FHIT: variants seen among roughly 807,000 people sequenced by gnomAD.
The protein encoded by FHIT is fragile histidine triad diadenosine triphosphatase, also known as bis(5'-adenosyl)-triphosphatase.
Under a neutral mutation model 17.9 loss-of-function variants are expected in FHIT, and 19 were observed. The observed-to-expected ratio is 1.06, with a 90% CI of 0.74 to 1.56. The LOEUF is 1.56. Among genes scored for constraint, FHIT ranks in the 40% most tolerant of loss-of-function variants. FHIT has a pLI of 0.00. For synonymous variants in FHIT, 81 were observed against 69.7 expected (o/e 1.16, Z -0.81); for missense variants, 248 against 189.2 (o/e 1.31, Z -1.82).
chr3:61,071,424 A>G (rs934721927), intron 2 of FHIT, among the ~76,000 whole-genome samples: 1 of 152,226 alleles, frequency 6.6e-6, no homozygotes, highest in Admixed American at 6.5e-5. Flanking sequence ...ATGAAATAAT[A>G]AAAGATGTGC....
At chr3:60,621,708 T>G (rs1553678714) in intron 4 of FHIT, among the ~76,000 whole-genome samples, 1 of 151,822 alleles carries the variant, frequency 6.6e-6, no homozygotes, top group African/African-American at 2.4e-5. Context: ...AATACTTGAG[T>G]GGTTGGCAAT....
At chr3:60,018,412 C>T (rs1559553080) in intron 5 of FHIT, among the ~76,000 whole-genome samples, 2 of 152,150 alleles carry the variant, frequency 1.3e-5, no homozygotes, top group African/African-American at 2.4e-5. Context: ...AGCAGTGTTG[C>T]TGTGTGACTT....
chr3:59,871,414 C>T (rs1415669156), intron 8 of FHIT, among the ~76,000 whole-genome samples: 1 of 151,892 alleles, frequency 6.6e-6, no homozygotes, highest in Non-Finnish European at 1.5e-5. Flanking sequence ...CAAATGTAGC[C>T]CTACTACAAT....
intron 7 of FHIT, among the ~76,000 whole-genome samples, chr3:60,003,414 CA>C (rs1477355977): frequency 2.6e-5 from 4 of 152,138 alleles, no homozygotes; most frequent in Non-Finnish European, 4.4e-5. Flanking sequence ...CAATTTCAAT[CA>C]AGGCACACAT....
intron 3 of FHIT, among the ~76,000 whole-genome samples, chr3:61,020,165 G>A (rs1283425604): frequency 6.6e-6 from 1 of 152,186 alleles, no homozygotes. Context: ...CAGTGTAAGA[G>A]CTTTCCTACT....
At chr3:59,999,952 C>G (rs147421982) in intron 7 of FHIT, among the ~76,000 whole-genome samples, 3 of 152,282 alleles carry the variant, frequency 2.0e-5, no homozygotes, top group African/African-American at 7.2e-5. Flanking sequence ...GGCTTCAAGT[C>G]TGGTTAATTC....
intron 5 of FHIT, among the ~76,000 whole-genome samples, chr3:60,418,158 C>G (rs766250015): frequency 1.3e-5 from 2 of 151,776 alleles, no homozygotes; most frequent in Non-Finnish European, 2.9e-5. Flanking sequence ...AAAGACTAAA[C>G]TGTATTTAGA....
At chr3:59,980,873 T>C (rs759944118) in intron 7 of FHIT, among the ~76,000 whole-genome samples, 1 of 152,202 alleles carries the variant, frequency 6.6e-6, no homozygotes, top group Non-Finnish European at 1.5e-5. Context: ...GCATCCCAAA[T>C]GAACTAAACT....
chr3:59,965,350 C>T (rs1321729611), intron 7 of FHIT, among the ~76,000 whole-genome samples: 2 of 152,016 alleles, frequency 1.3e-5, no homozygotes, highest in African/African-American at 4.8e-5. Flanking sequence ...CAATATATAT[C>T]TAATTATATA....
At chr3:60,001,053 A>T (rs1166921570) in intron 7 of FHIT, among the ~76,000 whole-genome samples, 5 of 152,200 alleles carry the variant, frequency 3.3e-5, no homozygotes, top group Non-Finnish European at 7.3e-5. Context: ...CCCCATCTAA[A>T]GTAGCCATAC....
chr3:60,118,564 A>G (rs1197426149), intron 5 of FHIT, among the ~76,000 whole-genome samples: 1 of 152,056 alleles, frequency 6.6e-6, no homozygotes, highest in Non-Finnish European at 1.5e-5. Flanking sequence ...TTCTTCAATT[A>G]CTTTAGAATC....
Position 60,637,845 on chromosome 3 carries a change from C to T in FHIT, c.-17-100866G>A, listed in dbSNP as rs529766866. Among the ~76,000 whole-genome samples, 91 of 152,152 alleles carry T rather than the reference C, an allele frequency of 6.0e-4. 2 individuals are homozygous for T. In the South Asian group the frequency reaches 0.018, roughly 29 times the overall value. ...TTGGACTTTTAAGCATTTCTTTTCACGGAAAGGGACCAGGGATTCTTAAAG... is the reference window on the plus strand; with the variant it reads ...TTGGACTTTTAAGCATTTCTTTTCATGGAAAGGGACCAGGGATTCTTAAAG... On this transcript the variant is annotated intron_variant, in intron 4 of 9. Coordinates refer to ENST00000492590, the MANE Select transcript of FHIT (RefSeq NM_002012.4).
chr3:60,610,387 T>C (rs2038748102), intron 4 of FHIT, among the ~76,000 whole-genome samples: 1 of 152,136 alleles, frequency 6.6e-6, no homozygotes, highest in South Asian at 2.1e-4. Context: ...ACAGAACAAA[T>C]TCATGCACAA....
intron 5 of FHIT, among the ~76,000 whole-genome samples, chr3:60,124,025 G>GAGAGAGAGAGAC (rs1176737179): frequency 1.9e-5 from 1 of 53,548 alleles, no homozygotes; most frequent in Admixed American, 1.6e-4. Context: ...GAGAGAGAGA[G>GAGAGAGAGAGAC]AGAGAGAGAG....
chr3:59,846,305 A>G (rs1168855745), intron 8 of FHIT, among the ~76,000 whole-genome samples: 1 of 152,104 alleles, frequency 6.6e-6, no homozygotes, highest in Non-Finnish European at 1.5e-5. Context: ...TATATTTAAC[A>G]TCCTGAAGTT....
In FHIT at chr3:59,922,327, T is replaced by C. The variant is rs752202832; in HGVS notation, c.348+19A>G. 2.5e-6 allele frequency: 4 copies of C among 1,601,380 alleles called. No individual in the cohort carries two copies. The Admixed American group carries it at 5.0e-5, about 20-fold the overall frequency. On this transcript the variant is annotated intron_variant, in intron 8 of 9. Coordinates refer to ENST00000492590, the MANE Select transcript of FHIT (RefSeq NM_002012.4). Reference sequence around the variant, plus strand: ...CAGTCCCCGTGATCAAACAATAAGATCAGAGAGAACAGACCCACCTCCTCA... The same window carrying C: ...CAGTCCCCGTGATCAAACAATAAGACCAGAGAGAACAGACCCACCTCCTCA...
chr3:60,204,718 C>G (rs900699013), intron 5 of FHIT, among the ~76,000 whole-genome samples: 27 of 151,978 alleles, frequency 1.8e-4, no homozygotes, highest in African/African-American at 5.8e-4. Context: ...TGCACTAATA[C>G]AAATGAAAAT....
chr3:59,917,832 G>C (rs992903040), intron 8 of FHIT, among the ~76,000 whole-genome samples: 1 of 152,206 alleles, frequency 6.6e-6, no homozygotes, highest in African/African-American at 2.4e-5. Context: ...AGTAGCTCTC[G>C]AGCCTGCTTT....
intron 5 of FHIT, among the ~76,000 whole-genome samples, chr3:60,275,150 A>G (rs1336966991): frequency 6.6e-6 from 1 of 152,108 alleles, no homozygotes; most frequent in South Asian, 2.1e-4. Flanking sequence ...AAAATTTTGG[A>G]ACTAGGCATA....
Sources: gnomAD v4.1 joint callset for allele counts (sites outside exome capture counted in the v4.1 genomes callset) on GRCh38, gnomAD v4.1.1 for gene constraint, MANE v1.5 for transcripts, NCBI Gene and HGNC (gene_info 2026-07-23, HGNC 2026-07-21) for gene names.